BBS2: variants seen among roughly 807,000 people sequenced by gnomAD.
BBS2 encodes the protein BBSome complex member BBS2.
Under a neutral mutation model 83.0 loss-of-function variants are expected in BBS2, and 62 were observed. That is an observed-to-expected ratio of 0.75 (90% confidence interval 0.61 to 0.92). The LOEUF (loss-of-function observed/expected upper bound fraction) is 0.92. Ranked by LOEUF, BBS2 falls within the 40% of genes least tolerant of loss-of-function variation. The pLI, the probability that BBS2 is intolerant of heterozygous loss-of-function variation, is 0.00. For missense variants in BBS2, 784 were observed against 901.0 expected (o/e 0.87, Z 1.66); for synonymous variants, 303 against 326.1 (o/e 0.93, Z 0.76).
At position 56,520,013 on chromosome 16, in the gene BBS2, C is replaced by G; in HGVS notation, c.-151G>C. The G allele has an allele frequency of 4.3e-6, 3 of 690,396 alleles. No individual in the cohort carries two copies. In the South Asian group the frequency reaches 4.7e-5, roughly 11 times the overall value. The allele number at this position is 690,396 out of a possible 1,614,324, so 42.8% of individuals were successfully genotyped here. ...CGAAACAGCCCGGGACGAACCCGTC[C>G]AGGTACCGCCTGCTCCTCCTGCGGC... On this transcript the variant is annotated 5_prime_UTR_variant, in exon 1 of 17. Coordinates refer to ENST00000245157, the MANE Select transcript of BBS2 (RefSeq NM_031885.5).
chr16:56,490,007 C>G (rs540180065), intron 15 of BBS2, among the ~76,000 whole-genome samples: 3,599 of 151,902 alleles, frequency 0.024, 69 homozygotes, highest in East Asian at 0.057. Context: ...GTCCCAGCTA[C>G]TCCAGCAGCT....
At chr16:56,480,358 A>C (rs1323651304), downstream of BBS2, among the ~76,000 whole-genome samples, 50 of 145,318 alleles carry the variant, frequency 3.4e-4, 1 homozygote, top group Non-Finnish European at 6.7e-4. Flanking sequence ...CACACAAAAA[A>C]AAAAAAACAA....
chr16:56,501,535 A>T (rs1344166237), intron 9 of BBS2, 38 bp from the exon 10 acceptor site: 1 of 1,613,946 alleles, frequency 6.2e-7, no homozygotes, highest in East Asian at 2.2e-5. Flanking sequence ...TCAGTCACCA[A>T]AACACTGAAC....
intron 17 of BBS2, chr16:56,477,024 G>A (rs1963510053): frequency 6.6e-6 from 1 of 152,276 alleles, no homozygotes; most frequent in South Asian, 2.1e-4. Context: ...AGCTACTCAG[G>A]AGGCTGGGGC....
chr16:56,498,703 T>C, intron 12 of BBS2, 135 bp from the exon 13 acceptor site: 1 of 1,533,070 alleles, frequency 6.5e-7, no homozygotes, highest in Non-Finnish European at 8.7e-7. Context: ...ACTGCTTTGT[T>C]GAGAAAAAAA....
intron 15 of BBS2, among the ~76,000 whole-genome samples, chr16:56,490,964 T>C (rs1275086344): frequency 2.0e-5 from 3 of 151,936 alleles, no homozygotes; most frequent in Non-Finnish European, 4.4e-5. Flanking sequence ...GGTTTCACCA[T>C]GTTAGTCAGG....
At chr16:56,470,535 G>T (rs773631464) in exon 18 of BBS2, 2 of 1,614,122 alleles carry the variant, frequency 1.2e-6, no homozygotes, top group Non-Finnish European at 1.7e-6. Context: ...TATTGAAGGA[G>T]TGCATGAAGT....
intron 5 of BBS2, among the ~76,000 whole-genome samples, chr16:56,506,598 T>C (rs1463300662): frequency 2.0e-5 from 3 of 152,224 alleles, no homozygotes; most frequent in African/African-American, 7.2e-5. Context: ...GAGGCTTTAA[T>C]GATTATTACT....
chr16:56,502,859 C>A (rs1481546206), intron 7 of BBS2, 51 bp from the exon 8 acceptor site: 6 of 1,603,966 alleles, frequency 3.7e-6, no homozygotes, highest in East Asian at 2.2e-5. Flanking sequence ...TGTTTAAAAA[C>A]CACAAAATTT....
At chr16:56,506,251 C>T (rs762197006) in intron 5 of BBS2, 27 bp from the exon 6 acceptor site, 2 of 1,533,772 alleles carry the variant, frequency 1.3e-6, no homozygotes, top group East Asian at 2.3e-5. Context: ...AAAAACACAA[C>T]ATCTTTTCAT....
intron 15 of BBS2, among the ~76,000 whole-genome samples, chr16:56,495,922 G>C (rs569391252): frequency 5.7e-4 from 87 of 151,926 alleles, no homozygotes; most frequent in African/African-American, 1.9e-3. Context: ...GGTGAGTGTA[G>C]AGATGAAAAA....
intron 15 of BBS2, among the ~76,000 whole-genome samples, chr16:56,488,419 A>AT (rs113557121): frequency 2.0e-5 from 3 of 152,318 alleles, no homozygotes; most frequent in African/African-American, 7.2e-5. Context: ...TGTGGGTTTG[A>AT]TTAATTTACT....
chr16:56,489,713 T>C (rs964953501), intron 15 of BBS2, among the ~76,000 whole-genome samples: 1 of 151,826 alleles, frequency 6.6e-6, no homozygotes, highest in Non-Finnish European at 1.5e-5. Flanking sequence ...AGCAGGAGAA[T>C]GGCTTGAACC....
chr16:56,473,478 G>A (rs1252613449), intron 17 of BBS2, among the ~76,000 whole-genome samples: 9 of 152,118 alleles, frequency 5.9e-5, no homozygotes, highest in African/African-American at 2.2e-4. Context: ...AAGTACAGGT[G>A]ATACATCAAA....
At chr16:56,512,540 C>T (rs1964609774) in intron 2 of BBS2, among the ~76,000 whole-genome samples, 1 of 151,972 alleles carries the variant, frequency 6.6e-6, no homozygotes, top group South Asian at 2.1e-4. Flanking sequence ...TGCTTAGCAA[C>T]AACAACAAAA....
At chr16:56,495,764 ATATGTG>A (rs1189789486) in intron 15 of BBS2, among the ~76,000 whole-genome samples, 95 of 92,318 alleles carry the variant, frequency 1.0e-3, no homozygotes, top group African/African-American at 3.3e-3. Flanking sequence ...ACGTGTGTAT[ATATGTG>A]TGTGTGTGTG....
chr16:56,507,680 C>T (rs1372486681), intron 5 of BBS2, among the ~76,000 whole-genome samples: 2 of 151,960 alleles, frequency 1.3e-5, no homozygotes, highest in South Asian at 2.1e-4. Flanking sequence ...ACAAAACAGA[C>T]TCCCGGGCCA....
exon 18 of BBS2, chr16:56,470,525 T>C: frequency 6.2e-7 from 1 of 1,613,812 alleles, no homozygotes; most frequent in South Asian, 1.1e-5. Context: ...CTTCCTGAGA[T>C]ATTGAAGGAG....
chr16:56,473,709 T>C (rs1326521009), intron 17 of BBS2, among the ~76,000 whole-genome samples: 1 of 152,220 alleles, frequency 6.6e-6, no homozygotes, highest in African/African-American at 2.4e-5. Flanking sequence ...CTTGATTTTT[T>C]TTTTTCATGA....
Sources: allele counts gnomAD v4.1 joint callset (sites outside exome capture counted in the v4.1 genomes callset), GRCh38; gene constraint gnomAD v4.1.1; transcripts MANE v1.5; gene names NCBI Gene and HGNC (gene_info 2026-07-23, HGNC 2026-07-21).